The following PRPF38A variants were observed in gnomAD, a reference collection of about 807,000 sequenced individuals.
PRPF38A encodes pre-mRNA-splicing factor 38A.
PRPF38A carries 11 observed loss-of-function variants against 46.8 expected under a neutral mutation model. That is an observed-to-expected ratio of 0.24 (90% CI 0.15 to 0.39). The LOEUF (loss-of-function observed/expected upper bound fraction) is 0.39. PRPF38A is among the 10% of genes least tolerant of loss of function. The pLI, the probability that PRPF38A is intolerant of heterozygous loss-of-function variation, is 1.00. For synonymous variants in PRPF38A, 124 were observed against 136.2 expected, an observed-to-expected ratio of 0.91 and a Z score of 0.62; for missense variants, 261 against 407.5, an observed-to-expected ratio of 0.64 and a Z score of 3.10.
chr1:52,408,569 G>A lies in PRPF38A; in HGVS notation c.291G>A (p.Lys97=). The A allele has an allele frequency of 6.2e-7, 1 of 1,614,150 alleles. No individual in the cohort carries two copies. Among genetic ancestry groups the A allele is most frequent in the Non-Finnish European group, 8.5e-7 (1 of 1,180,014 alleles). Reference sequence around the variant, plus strand: ...TGTTTCACTGTCATCTGTCTCTCAGGTATGTCCGCATGCTGGGGGCACTTT... The same window carrying A: ...TGTTTCACTGTCATCTGTCTCTCAGATATGTCCGCATGCTGGGGGCACTTT... ...IVEFIKNEDF[K]YVRMLGALYM... Residue 97 remains lysine (K), a splice_region_variant and synonymous_variant, in exon 3 of 10, where the codon AAG becomes AAA. Coordinates refer to ENST00000257181, the MANE Select transcript of PRPF38A (RefSeq NM_032864.4).
chr1:52,412,369 A>G (rs1025360919), intron 4 of PRPF38A, 145 bp from the exon 5 acceptor site: 20 of 597,594 alleles, frequency 3.3e-5, no homozygotes, highest in Non-Finnish European at 3.6e-5. Context: ...TTTCAGGTCT[A>G]TTAAACTTGT....
At chr1:52,410,626 T>C (rs975211956) in intron 3 of PRPF38A, among the ~76,000 whole-genome samples, 8 of 151,820 alleles carry the variant, frequency 5.3e-5, no homozygotes, top group Admixed American at 5.2e-4. Flanking sequence ...CTCAGCCTCT[T>C]GAGTAGCTGG....
rs1046454737 is a variant in PRPF38A, at chr1:52,418,798, TAC to T, written c.*2110_*2111del. 1 of 152,238 alleles carries T rather than the reference TAC, an allele frequency of 6.6e-6. No individual in the cohort carries two copies. Among genetic ancestry groups the T allele is most frequent in the Non-Finnish European group, 1.5e-5 (1 of 68,036 alleles). 9.4% of individuals were successfully genotyped at this position (152,238 alleles called of 1,614,324 possible). On this transcript the variant is annotated 3_prime_UTR_variant, in exon 10 of 10. Transcript: ENST00000257181. ...CATTTTAAACTTTTTGACTACAGCA[TAC>T]ATTTTAAAAACGTATTTTACATCTT... is the stretch of plus-strand genomic sequence containing the variant.
At position 52,417,395 on chromosome 1, in the gene PRPF38A, G is replaced by T. The variant is rs1202020599; in HGVS notation, c.*705G>T. 1 of 152,198 alleles carries T rather than the reference G, an allele frequency of 6.6e-6. No individual in the cohort carries two copies. The highest frequency in any genetic ancestry group is 2.4e-5 in the African/African-American group (1 of 41,458). 9.4% of individuals were successfully genotyped at this position (152,198 alleles called of 1,614,324 possible). On this transcript the variant is annotated 3_prime_UTR_variant, in exon 10 of 10. Coordinates refer to ENST00000257181, the MANE Select transcript of PRPF38A (RefSeq NM_032864.4). ...TAAGCATTGACATTATCCAGGCCTA[G>T]TCAGTAGCAGTAGGGTAACGGGATT...
intron 1 of PRPF38A, 34 bp downstream of exon 1, chr1:52,404,913 C>G (rs758760552): frequency 1.2e-6 from 2 of 1,609,050 alleles, no homozygotes; most frequent in Non-Finnish European, 1.7e-6. Flanking sequence ...CTCTCAGCCC[C>G]CTTGTGGCCC....
chr1:52,404,967 G>T, intron 1 of PRPF38A, 88 bp downstream of exon 1: 1 of 1,502,120 alleles, frequency 6.7e-7, no homozygotes, highest in South Asian at 1.2e-5. Context: ...ACTGGCCTCT[G>T]GGGGTGGTAC....
intron 8 of PRPF38A, 24 bp downstream of exon 8, chr1:52,414,883 A>G (rs1452831622): frequency 6.2e-7 from 1 of 1,610,380 alleles, no homozygotes; most frequent in Non-Finnish European, 8.5e-7. Context: ...GCCTTTTGCC[A>G]CAGGTTGTCT....
At position 52,416,851 on chromosome 1, in the gene PRPF38A, G is replaced by A; in HGVS notation, c.*161G>A. On this transcript the variant is annotated 3_prime_UTR_variant, in exon 10 of 10. Transcript: ENST00000257181. ...TTTAATGAAGGAGGTGCTGAGTTTT[G>A]TATCTTTTTAATCATAATCAACATC... is the stretch of plus-strand genomic sequence containing the variant. 4 of 640,238 alleles carry A rather than the reference G, an allele frequency of 6.2e-6. No homozygotes were observed. Among genetic ancestry groups the A allele is most frequent in the Non-Finnish European group, 1.1e-5 (4 of 353,872 alleles). The allele number at this position is 640,238 out of a possible 1,614,324, so 39.7% of individuals were successfully genotyped here. A position where few individuals can be genotyped will look rare whatever the true frequency, so the allele number is the denominator to read the frequency against.
Position 52,413,789 on chromosome 1 carries a change from G to A in PRPF38A, c.610-90G>A. ...TAAAGTCACATGGAGATGGACTTTG[G>A]GACAAGATGGGGCGTGAAGTATAAT... On this transcript the variant is annotated intron_variant, in intron 5 of 9. Coordinates refer to ENST00000257181, the MANE Select transcript of PRPF38A (RefSeq NM_032864.4). The A allele has an allele frequency of 3.7e-6, 3 of 816,664 alleles. No homozygotes were observed. The South Asian group carries it at 4.8e-5, about 13-fold the overall frequency. 50.6% of individuals were successfully genotyped at this position (816,664 alleles called of 1,614,324 possible).
chr1:52,413,596 CCAT>C (rs1370850540), intron 5 of PRPF38A, among the ~76,000 whole-genome samples: 3 of 152,112 alleles, frequency 2.0e-5, no homozygotes, highest in Non-Finnish European at 4.4e-5. Flanking sequence ...TGGGATTTCA[CCAT>C]GTTGCCCAGG....
chr1:52,413,746 A>T, intron 5 of PRPF38A, 133 bp from the exon 6 acceptor site: 1 of 636,212 alleles, frequency 1.6e-6, no homozygotes, highest in Non-Finnish European at 2.8e-6. Context: ...CCCTCTTTGT[A>T]GTCAGGTTAC....
In PRPF38A at chr1:52,413,944, C is replaced by T. The variant is rs1648221147; in HGVS notation, c.675C>T (p.Arg225=). The part of the protein sequence containing the change: ...RSYRDLDKPR[R]SPTLRYRRSR... ...ACCGAGACTTGGACAAGCCCCGTCG[C>T]TCTCCCACACTGCGCTACAGGAGGA... The change falls in exon 6 of 10, where the codon CGC becomes CGT. Residue 225 remains arginine (R), a synonymous_variant. Coordinates refer to ENST00000257181, the MANE Select transcript of PRPF38A (RefSeq NM_032864.4). 6.2e-7 allele frequency: 1 copy of T among 1,614,052 alleles called. No homozygotes were observed. Among genetic ancestry groups the T allele is most frequent in the Non-Finnish European group, 8.5e-7 (1 of 1,179,936 alleles).
chr1:52,408,401 T>C, intron 2 of PRPF38A, 168 bp from the exon 3 acceptor site: 1 of 835,528 alleles, frequency 1.2e-6, no homozygotes, highest in Non-Finnish European at 2.0e-6. Flanking sequence ...AACTCAGGTC[T>C]CCATATTTTA....
intron 9 of PRPF38A, among the ~76,000 whole-genome samples, chr1:52,415,692 T>C (rs72666824): frequency 7.1e-4 from 108 of 151,856 alleles, no homozygotes; most frequent in Non-Finnish European, 1.4e-3. Flanking sequence ...CTTTGGACAA[T>C]GGATGAGCTT....
Position 52,418,364 on chromosome 1 carries a change from TAGAA to T in PRPF38A, c.*1680_*1683del, listed in dbSNP as rs952589218. The T allele has an allele frequency of 2.0e-5, 3 of 152,162 alleles. No individual in the cohort carries two copies. The highest frequency in any genetic ancestry group is 6.5e-5 in the Admixed American group (1 of 15,278). The allele number at this position is 152,162 out of a possible 1,614,324, so 9.4% of individuals were successfully genotyped here. On this transcript the variant is annotated 3_prime_UTR_variant, in exon 10 of 10. Coordinates refer to ENST00000257181, the MANE Select transcript of PRPF38A (RefSeq NM_032864.4). ...TATTTCTTTATGAAAGTGATCTAGG[TAGAA>T]AGAAATGTCTTCTGGCATGGACAGA...
Position 52,420,642 on chromosome 1 carries a change from A to G in PRPF38A, c.*3952A>G, listed in dbSNP as rs1165577726. On this transcript the variant is annotated 3_prime_UTR_variant, in exon 10 of 10. Transcript: ENST00000257181. ...ATTTGCTATATTTGTTAAATATAGC[A>G]TATGAGCCCACTTTTGTAAAACTAT... is the stretch of plus-strand genomic sequence containing the variant. 6.6e-6 allele frequency: 1 copy of G among 152,210 alleles called. No homozygotes were observed. The highest frequency in any genetic ancestry group is 1.5e-5 in the Non-Finnish European group (1 of 68,034). 9.4% of individuals were successfully genotyped at this position (152,210 alleles called of 1,614,324 possible).
At chr1:52,413,551 A>G (rs2147958383) in intron 5 of PRPF38A, among the ~76,000 whole-genome samples, 1 of 152,176 alleles carries the variant, frequency 6.6e-6, no homozygotes, top group South Asian at 2.1e-4. Context: ...ACGTGCCAGC[A>G]TACCTGGCTA....
chr1:52,413,434 TC>T (rs1253954485), intron 5 of PRPF38A, among the ~76,000 whole-genome samples: 4 of 151,528 alleles, frequency 2.6e-5, no homozygotes, highest in African/African-American at 9.7e-5. Context: ...TGAGATAGGG[TC>T]TTGCTCTGTT....
chr1:52,406,930 T>C (rs1648012691), intron 2 of PRPF38A, among the ~76,000 whole-genome samples: 1 of 152,252 alleles, frequency 6.6e-6, no homozygotes, highest in Non-Finnish European at 1.5e-5. Context: ...ATTCTGCTTC[T>C]CGTACAAAGA....
Sources: gnomAD v4.1 joint callset for allele counts (sites outside exome capture counted in the v4.1 genomes callset) on GRCh38, gnomAD v4.1.1 for gene constraint, MANE v1.5 for transcripts, NCBI Gene and HGNC (gene_info 2026-07-23, HGNC 2026-07-21) for gene names.